PLXDC2: variants seen among roughly 807,000 people sequenced by gnomAD.
PLXDC2 encodes plexin domain containing 2.
In PLXDC2, 40 loss-of-function variants were observed where a neutral mutation model predicts 68.9. The observed-to-expected ratio is 0.58, with a 90% CI of 0.45 to 0.76. The LOEUF is 0.76. Among genes scored for constraint, PLXDC2 ranks in the 30% least tolerant of loss-of-function variants. PLXDC2 has a pLI of 0.00. For missense variants in PLXDC2, 644 were observed against 661.9 expected (o/e 0.97, Z 0.30); for synonymous variants, 243 against 234.2 (o/e 1.04, Z -0.34).
At chr10:20,043,236 A>C (rs902717055) in intron 2 of PLXDC2, 1 of 152,120 alleles carries the variant, frequency 6.6e-6, no homozygotes, top group African/African-American at 2.4e-5. Context: ...TTCCTTTTTG[A>C]ATAAAAGTTG....
intron 4 of PLXDC2, among the ~76,000 whole-genome samples, chr10:20,120,438 A>G (rs922518841): frequency 6.6e-5 from 10 of 152,338 alleles, no homozygotes; most frequent in African/African-American, 2.4e-4. Flanking sequence ...TAAAGGTTTC[A>G]CTGAATACTA....
intron 1 of PLXDC2, among the ~76,000 whole-genome samples, chr10:19,980,996 C>G (rs2131619794): frequency 6.6e-6 from 1 of 152,310 alleles, no homozygotes; most frequent in South Asian, 2.1e-4. Flanking sequence ...AGTTTTACCT[C>G]TTTATTTCAA....
intron 13 of PLXDC2, among the ~76,000 whole-genome samples, chr10:20,254,174 A>G (rs956704777): frequency 6.6e-6 from 1 of 152,194 alleles, no homozygotes. Flanking sequence ...ATCCCAAGAA[A>G]TATTTCTGGA....
At chr10:19,897,822 AT>A in intron 1 of PLXDC2, among the ~76,000 whole-genome samples, 1 of 152,122 alleles carries the variant, frequency 6.6e-6, no homozygotes, top group South Asian at 2.1e-4. Context: ...AATATGTGGG[AT>A]TATATATGAT....
chr10:19,839,261 G>C, intron 1 of PLXDC2, among the ~76,000 whole-genome samples: 1 of 151,750 alleles, frequency 6.6e-6, no homozygotes, highest in East Asian at 1.9e-4. Flanking sequence ...TAGAAAGCTT[G>C]TCCAACCCAT....
At chr10:19,927,722 A>G (rs1420051465) in intron 1 of PLXDC2, among the ~76,000 whole-genome samples, 2 of 150,186 alleles carry the variant, frequency 1.3e-5, no homozygotes, top group Non-Finnish European at 3.0e-5. Context: ...GCAAAAAAAA[A>G]AAAAAAAAAA....
intron 4 of PLXDC2, among the ~76,000 whole-genome samples, chr10:20,121,352 T>G (rs573965816): frequency 1.3e-5 from 2 of 152,280 alleles, no homozygotes; most frequent in East Asian, 3.9e-4. Context: ...CTGACCGCAC[T>G]AACCATGCCT....
chr10:20,086,256 C>G (rs1833192646), intron 4 of PLXDC2, among the ~76,000 whole-genome samples: 1 of 152,152 alleles, frequency 6.6e-6, no homozygotes, highest in Admixed American at 6.5e-5. Flanking sequence ...ACCTCCTGGA[C>G]TGAAGGAATC....
At chr10:19,935,756 A>G (rs1358889287) in intron 1 of PLXDC2, among the ~76,000 whole-genome samples, 1 of 152,230 alleles carries the variant, frequency 6.6e-6, no homozygotes, top group African/African-American at 2.4e-5. Flanking sequence ...ACAGAGTCAT[A>G]AATGCCACTG....
chr10:19,821,991 A>C (rs568660324), intron 1 of PLXDC2, among the ~76,000 whole-genome samples: 1 of 151,990 alleles, frequency 6.6e-6, no homozygotes, highest in Non-Finnish European at 1.5e-5. Flanking sequence ...TTATTTTCTT[A>C]TTCTATGTAT....
At chr10:19,963,797 T>C (rs150757704) in intron 1 of PLXDC2, among the ~76,000 whole-genome samples, 1,635 of 151,772 alleles carry the variant, frequency 0.011, 34 homozygotes, top group African/African-American at 0.037. Context: ...GTAACAAACC[T>C]GCACATTGTG....
At chr10:19,948,956 C>T (rs1011598140) in intron 1 of PLXDC2, among the ~76,000 whole-genome samples, 132 of 151,520 alleles carry the variant, frequency 8.7e-4, no homozygotes, top group African/African-American at 2.4e-3. Context: ...ATGGTGAAAC[C>T]CTGTCTTTAC....
In PLXDC2 at chr10:20,288,034, T is replaced by C. The variant is rs1249550013; in HGVS notation, c.*8215T>C. ...AGATTTTATGCCAGTTGCACCAGCA[T>C]GCAGAATATTTGTAATGCATTTCAA... On this transcript the variant is annotated 3_prime_UTR_variant, in exon 14 of 14. Transcript: ENST00000377252. 5 of 148,798 alleles carry C rather than the reference T, an allele frequency of 3.4e-5. No individual in the cohort carries two copies. The highest frequency in any genetic ancestry group is 1.5e-5 in the Non-Finnish European group (1 of 67,768). The allele number at this position is 148,798 out of a possible 1,614,324, so 9.2% of individuals were successfully genotyped here.
intron 1 of PLXDC2, among the ~76,000 whole-genome samples, chr10:19,867,866 CAGA>C (rs1222327586): frequency 1.3e-5 from 2 of 152,096 alleles, no homozygotes; most frequent in South Asian, 2.1e-4. Flanking sequence ...CTTGAAAAAT[CAGA>C]AGGAGAGCCT....
At chr10:20,123,492 T>C (rs889278276) in intron 4 of PLXDC2, among the ~76,000 whole-genome samples, 8 of 151,940 alleles carry the variant, frequency 5.3e-5, no homozygotes, top group African/African-American at 1.9e-4. Context: ...TATTTGGAAC[T>C]ACTGTCGAGT....
intron 1 of PLXDC2, among the ~76,000 whole-genome samples, chr10:19,858,045 G>T (rs1235394961): frequency 6.6e-6 from 1 of 152,016 alleles, no homozygotes; most frequent in African/African-American, 2.4e-5. Context: ...TTTTATTACT[G>T]TTGTTTGGGA....
chr10:19,954,326 T>C (rs1834034783), intron 1 of PLXDC2, among the ~76,000 whole-genome samples: 1 of 152,172 alleles, frequency 6.6e-6, no homozygotes, highest in Admixed American at 6.5e-5. Context: ...AAAATTACTC[T>C]CTAAGCCAAT....
At position 20,287,980 on chromosome 10, in the gene PLXDC2, G is replaced by GA. The variant is rs1836179875; in HGVS notation, c.*8161_*8162insA. 2 of 70,742 alleles carry GA rather than the reference G, an allele frequency of 2.8e-5. No homozygotes were observed. The highest frequency in any genetic ancestry group is 1.1e-4 in the African/African-American group (2 of 17,852). 4.4% of individuals were successfully genotyped at this position (70,742 alleles called of 1,614,324 possible). ...GAAGAAATTGGGCACTTCTTGCGGC[G>GA]GGGGAGGGGGGGGGGGCGGTGGCTT... On this transcript the variant is annotated 3_prime_UTR_variant, in exon 14 of 14. Transcript: ENST00000377252.
At chr10:20,145,082 C>T (rs1003172151) in intron 5 of PLXDC2, among the ~76,000 whole-genome samples, 11 of 151,858 alleles carry the variant, frequency 7.2e-5, no homozygotes, top group African/African-American at 1.2e-4. Flanking sequence ...TTATTTAGGA[C>T]GTAGGTCCTA....
Sources: gnomAD v4.1 joint callset for allele counts (sites outside exome capture counted in the v4.1 genomes callset) on GRCh38, gnomAD v4.1.1 for gene constraint, MANE v1.5 for transcripts, NCBI Gene and HGNC (gene_info 2026-07-23, HGNC 2026-07-21) for gene names.